The following CHST3 variants were observed in gnomAD, a reference collection of about 807,000 sequenced individuals.
The protein encoded by CHST3 is carbohydrate sulfotransferase 3.
Under a neutral mutation model 35.4 loss-of-function variants are expected in CHST3, and 20 were observed. That is an observed-to-expected ratio of 0.57 (90% CI 0.40 to 0.82). The LOEUF is 0.82. CHST3 is among the 40% of genes least tolerant of loss of function. CHST3 has a pLI of 0.00. For synonymous variants in CHST3, 334 were observed against 295.9 expected (o/e 1.13, Z -1.32); for missense variants, 693 against 670.1 (o/e 1.03, Z -0.38).
chr10:72,001,820 G>T (rs897954626), intron 1 of CHST3, among the ~76,000 whole-genome samples: 1 of 152,180 alleles, frequency 6.6e-6, no homozygotes, highest in Admixed American at 6.5e-5. Context: ...AGAGAAGGAG[G>T]AAGAGATTTT....
intron 1 of CHST3, among the ~76,000 whole-genome samples, chr10:71,974,957 C>T (rs950787722): frequency 6.6e-6 from 1 of 152,220 alleles, no homozygotes; most frequent in African/African-American, 2.4e-5. Flanking sequence ...AGAAGGGCTT[C>T]CATGCCAAGC....
chr10:71,986,770 C>A (rs1159373291), intron 1 of CHST3, among the ~76,000 whole-genome samples: 1 of 152,226 alleles, frequency 6.6e-6, no homozygotes, highest in Non-Finnish European at 1.5e-5. Context: ...CCCTCCCCTG[C>A]AGCCCAGCAT....
Position 72,005,953 on chromosome 10 carries a change from C to T in CHST3, c.111C>T (p.Phe37=), listed in dbSNP as rs371428228. The change falls in exon 2 of 3, where the codon TTC becomes TTT. Residue 37 remains phenylalanine, a synonymous_variant. Coordinates refer to ENST00000373115, the MANE Select transcript of CHST3 (RefSeq NM_004273.5). ...FLVFVVIVFV[F]IEKENKIISR... is the part of the protein sequence containing the mutation. ...TTTTTGTGGTGATAGTTTTTGTCTT[C>T]ATCGAAAAGGAAAATAAAATCATAT... 2 of 1,590,116 alleles carry T rather than the reference C, an allele frequency of 1.3e-6. No individual in the cohort carries two copies. The highest frequency in any genetic ancestry group is 1.7e-6 in the Non-Finnish European group (2 of 1,165,232).
intron 1 of CHST3, among the ~76,000 whole-genome samples, chr10:71,976,891 A>G (rs1482676743): frequency 6.6e-6 from 1 of 152,248 alleles, no homozygotes; most frequent in Non-Finnish European, 1.5e-5. Context: ...TCAATAATAC[A>G]TGTCCATGGT....
intron 1 of CHST3, among the ~76,000 whole-genome samples, chr10:71,971,780 G>T (rs142913011): frequency 6.6e-6 from 1 of 152,182 alleles, no homozygotes; most frequent in African/African-American, 2.4e-5. Context: ...GAGACTTCCA[G>T]GGGCTTGTTA....
rs891767458 is a variant in CHST3, at chr10:71,964,560, C to G, written c.-242C>G. ...CCCGGAGAAGACGCACAGCTCGGGC[C>G]GCGCGGGCGCCGGGGCCGCGGAACC... is the stretch of plus-strand genomic sequence containing the variant. On this transcript the variant is annotated 5_prime_UTR_variant, in exon 1 of 3. Transcript: ENST00000373115. 1 of 152,088 alleles carries G rather than the reference C, an allele frequency of 6.6e-6. No homozygotes were observed. Among genetic ancestry groups the G allele is most frequent in the Non-Finnish European group, 1.5e-5 (1 of 67,984 alleles). The allele number at this position is 152,088 out of a possible 1,614,324, so 9.4% of individuals were successfully genotyped here.
rs557589139 is a variant in CHST3, at chr10:71,976,532, G to C, written c.-108+11838G>C. On this transcript the variant is annotated intron_variant, in intron 1 of 2. Transcript: ENST00000373115. ...CCCTCCCCAGCCCCAGTCTCATCAG[G>C]CTTCAGGGGTGGCCATTCCTCCCCT... Among the ~76,000 whole-genome samples the C allele has an allele frequency of 6.7e-3, 1,018 of 152,258 alleles. 5 individuals carry two copies. Among genetic ancestry groups the C allele is most frequent in the Non-Finnish European group, 0.01 (699 of 68,000 alleles).
intron 1 of CHST3, among the ~76,000 whole-genome samples, chr10:72,002,257 G>A (rs181798395): frequency 3.7e-4 from 57 of 152,332 alleles, no homozygotes; most frequent in African/African-American, 1.3e-3. Context: ...GGAAAGCTGT[G>A]TTGCTCTGGG....
intron 1 of CHST3, among the ~76,000 whole-genome samples, chr10:71,978,274 G>A (rs1204044148): frequency 1.3e-5 from 2 of 152,042 alleles, no homozygotes; most frequent in Non-Finnish European, 2.9e-5. Flanking sequence ...GCTGAGGCAG[G>A]AGAATCTCTT....
At chr10:71,980,334 G>A (rs1022321383) in intron 1 of CHST3, among the ~76,000 whole-genome samples, 1 of 152,042 alleles carries the variant, frequency 6.6e-6, no homozygotes, top group South Asian at 2.1e-4. Context: ...TGTTTGCAGC[G>A]TTGTACTCCA....
rs1388683920 is a variant in CHST3 at position 72,007,538 on chromosome 10, G to A, written c.507G>A (p.Glu169=). The A allele has an allele frequency of 1.9e-6, 3 of 1,605,328 alleles. No homozygotes were observed. The East Asian group carries it at 6.7e-5, about 36-fold the overall frequency. ...TCTTCGAGCCGCTGTGGCACATCGA[G>A]CGCACAGTGTCCTTCGAGCCGGGGG... The part of the protein sequence containing the change: ...FYLFEPLWHI[E]RTVSFEPGGA... The change falls in exon 3 of 3, where the codon GAG becomes GAA. Residue 169 remains glutamate, a synonymous_variant. Coordinates refer to ENST00000373115, the MANE Select transcript of CHST3 (RefSeq NM_004273.5).
rs1355385307 is a variant in CHST3 at position 72,008,140 on chromosome 10, G to A, written c.1109G>A (p.Arg370His). The part of the protein sequence containing the change: ...AWLRGRYMLV[R>H]YEDVARGPLQ... ...CTGCGGGGCCGCTACATGCTGGTGCGCTACGAGGACGTGGCACGCGGGCCG... is the reference window on the plus strand; with the variant it reads ...CTGCGGGGCCGCTACATGCTGGTGCACTACGAGGACGTGGCACGCGGGCCG... The change falls in exon 3 of 3, where the codon CGC (arginine) becomes CAC (histidine). Residue 370 changes from arginine to histidine, a missense_variant. Physicochemically the swap from Arg to His is conservative, Grantham distance 29 (BLOSUM62 0). Transcript: ENST00000373115. 1 of 1,548,354 alleles carries A rather than the reference G, an allele frequency of 6.5e-7. No homozygotes were observed. The highest frequency in any genetic ancestry group is 8.7e-7 in the Non-Finnish European group (1 of 1,146,402).
Position 72,007,673 on chromosome 10 carries a change from CCTGA to C in CHST3, c.645_648del (p.Thr216SerfsTer41). On this transcript the variant is annotated frameshift_variant, in exon 3 of 3. Transcript: ENST00000373115. LOFTEE classifies it high-confidence loss of function. ...TCATCACGCCGCTGCCCGAGGACCACCTGACTCAGTTCATGTTCCGCCGGGGCTC... is the reference window on the plus strand; with the variant it reads ...TCATCACGCCGCTGCCCGAGGACCACCTCAGTTCATGTTCCGCCGGGGCTC... The C allele has an allele frequency of 5.0e-6, 8 of 1,609,196 alleles. No individual in the cohort carries two copies. Among genetic ancestry groups the C allele is most frequent in the Non-Finnish European group, 6.8e-6 (8 of 1,179,590 alleles).
In CHST3 at chr10:72,010,564, A is replaced by G. The variant is rs571067004; in HGVS notation, c.*2093A>G. ...GTCTCTGTCACTGTGGACTCCAGTCATTCAAGGAGGTCTCCACTCTTGGGT... is the reference window on the plus strand; with the variant it reads ...GTCTCTGTCACTGTGGACTCCAGTCGTTCAAGGAGGTCTCCACTCTTGGGT... On this transcript the variant is annotated 3_prime_UTR_variant, in exon 3 of 3. Coordinates refer to ENST00000373115, the MANE Select transcript of CHST3 (RefSeq NM_004273.5). The G allele has an allele frequency of 6.6e-6, 1 of 152,328 alleles. No homozygotes were observed. Among genetic ancestry groups the G allele is most frequent in the African/African-American group, 2.4e-5 (1 of 41,562 alleles). The allele number at this position is 152,328 out of a possible 1,614,324, so 9.4% of individuals were successfully genotyped here. A position where few individuals can be genotyped will look rare whatever the true frequency, so the allele number is the denominator to read the frequency against.
intron 1 of CHST3, among the ~76,000 whole-genome samples, chr10:72,004,944 A>G (rs1840024224): frequency 6.6e-6 from 1 of 152,200 alleles, no homozygotes; most frequent in Admixed American, 6.5e-5. Flanking sequence ...AGGCTGGGCA[A>G]CATGGCAAGA....
At chr10:71,973,848 T>C (rs1417741645) in intron 1 of CHST3, among the ~76,000 whole-genome samples, 1 of 152,156 alleles carries the variant, frequency 6.6e-6, no homozygotes, top group African/African-American at 2.4e-5. Context: ...AAAGTTCCGA[T>C]TGAAGACAGG....
chr10:72,006,587 C>T (rs1840040589), intron 2 of CHST3, among the ~76,000 whole-genome samples: 2 of 152,216 alleles, frequency 1.3e-5, no homozygotes, highest in African/African-American at 4.8e-5. Flanking sequence ...TCTGGGAACG[C>T]CCCTTTACCC....
chr10:72,004,349 A>G (rs1322819997), intron 1 of CHST3, among the ~76,000 whole-genome samples: 2 of 152,062 alleles, frequency 1.3e-5, no homozygotes, highest in African/African-American at 2.4e-5. Context: ...TTGTTGCTTT[A>G]TGGCTTTATG....
intron 1 of CHST3, among the ~76,000 whole-genome samples, chr10:71,982,218 G>GGCAGAAGATTTGACT (rs1466652062): frequency 1.3e-5 from 2 of 152,180 alleles, no homozygotes; most frequent in African/African-American, 4.8e-5. Context: ...ATAAGAGGGA[G>GGCAGAAGATTTGACT]GCAGAAGATT....
Sources: gnomAD v4.1 joint callset for allele counts (sites outside exome capture counted in the v4.1 genomes callset) on GRCh38, gnomAD v4.1.1 for gene constraint, MANE v1.5 for transcripts, NCBI Gene and HGNC (gene_info 2026-07-23, HGNC 2026-07-21) for gene names.